The following TMEM209 variants were observed in gnomAD, a reference collection of about 807,000 sequenced individuals.
TMEM209 encodes transmembrane protein 209.
TMEM209 carries 65 observed loss-of-function variants against 76.2 expected under a neutral mutation model. That is an observed-to-expected ratio of 0.85 (90% CI 0.70 to 1.05). The LOEUF (loss-of-function observed/expected upper bound fraction) is 1.05, where lower values mean the gene tolerates loss of function less well. TMEM209 is among the 50% of genes least tolerant of loss of function. The pLI is 0.00. For synonymous variants in TMEM209, 239 were observed against 237.6 expected (o/e 1.01, Z -0.06); for missense variants, 623 against 685.5 (o/e 0.91, Z 1.02).
chr7:130,198,524 T>A (rs1584694824), intron 5 of TMEM209, among the ~76,000 whole-genome samples: 1 of 151,840 alleles, frequency 6.6e-6, no homozygotes, highest in African/African-American at 2.4e-5. Flanking sequence ...GGCAGGAGAA[T>A]CCCTTCAACC....
chr7:130,185,376 G>A lies in TMEM209; in HGVS notation c.776-9C>T, dbSNP rs1326825140. The A allele has an allele frequency of 1.9e-6, 3 of 1,611,900 alleles. No individual in the cohort carries two copies. Among genetic ancestry groups the A allele is most frequent in the East Asian group, 2.2e-5 (1 of 44,866 alleles). ...GGTAGAATCTGGGCTCCCTACAATT[G>A]TTAAGATAAACAGTATCAGTGTGTT... On this transcript the variant is annotated splice_polypyrimidine_tract_variant and intron_variant, in intron 6 of 14. Coordinates refer to ENST00000397622, the MANE Select transcript of TMEM209 (RefSeq NM_032842.4).
chr7:130,180,100 G>A (rs1236231996), intron 9 of TMEM209, among the ~76,000 whole-genome samples: 3 of 152,100 alleles, frequency 2.0e-5, no homozygotes, highest in African/African-American at 7.2e-5. Flanking sequence ...AGCATTATTG[G>A]TAAAGGTAAT....
Position 130,166,456 on chromosome 7 carries a change from C to G in TMEM209, c.1681G>C (p.Glu561Gln). 1 of 1,544,910 alleles carries G rather than the reference C, an allele frequency of 6.5e-7. No individual in the cohort carries two copies. The highest frequency in any genetic ancestry group is 1.2e-5 in the South Asian group (1 of 82,434). Residue 561 changes from glutamate to glutamine, a missense_variant, in exon 15 of 15, where the codon GAG becomes CAG. Coordinates refer to ENST00000397622, the MANE Select transcript of TMEM209 (RefSeq NM_032842.4). ...SGVNILWIFG[E>Q] is the part of the protein sequence containing the mutation. ...AGAATTAAATATATGACTTGCTACTCGCCAAAGATCCACAATATATTCACA... is the reference window on the plus strand; with the variant it reads ...AGAATTAAATATATGACTTGCTACTGGCCAAAGATCCACAATATATTCACA...
intron 6 of TMEM209, among the ~76,000 whole-genome samples, chr7:130,190,536 AG>A (rs1797759159): frequency 6.6e-6 from 1 of 151,920 alleles, no homozygotes; most frequent in South Asian, 2.1e-4. Flanking sequence ...GAAAAAAAAA[AG>A]GCTAATATTG....
chr7:130,199,156 T>C (rs1798098664), intron 5 of TMEM209, among the ~76,000 whole-genome samples: 1 of 152,232 alleles, frequency 6.6e-6, no homozygotes. Context: ...TCTAAAGTTA[T>C]TCATTGTTAA....
At chr7:130,182,914 T>C (rs1273072639) in intron 8 of TMEM209, among the ~76,000 whole-genome samples, 2 of 152,176 alleles carry the variant, frequency 1.3e-5, no homozygotes, top group East Asian at 3.9e-4. Flanking sequence ...AGTGTGACTA[T>C]TCATATGTTT....
Position 130,184,265 on chromosome 7 carries a change from T to C in TMEM209, c.952-10A>G. The C allele has an allele frequency of 9.4e-6, 15 of 1,587,506 alleles. No individual in the cohort carries two copies. The highest frequency in any genetic ancestry group is 1.1e-5 in the Non-Finnish European group (13 of 1,166,172). ...CCACTCTTGCCCAGACCTATAAAAA[T>C]TCATGTTTAAAATGAACAATCAGTG... On this transcript the variant is annotated splice_polypyrimidine_tract_variant and intron_variant, in intron 7 of 14. Transcript: ENST00000397622.
At chr7:130,185,475 CA>C (rs1289452151) in intron 6 of TMEM209, 108 bp from the exon 7 acceptor site, 1 of 904,198 alleles carries the variant, frequency 1.1e-6, no homozygotes, top group African/African-American at 1.7e-5. Flanking sequence ...GACCAACCCT[CA>C]AGGAGATTCT....
In TMEM209 at chr7:130,166,571, CA is replaced by C. The variant is rs1219766169; in HGVS notation, c.1632-67del. ...AGCATTTAAGGTCTTTTTCTAATAA[CA>C]AAAAACTTTATGAATAATACATGTT... is the stretch of plus-strand genomic sequence containing the variant. On this transcript the variant is annotated intron_variant, in intron 14 of 14. Coordinates refer to ENST00000397622, the MANE Select transcript of TMEM209 (RefSeq NM_032842.4). The C allele has an allele frequency of 8.9e-6, 9 of 1,015,290 alleles. No homozygotes were observed. In the African/African-American group the frequency reaches 1.3e-4, roughly 15 times the overall value. The allele number at this position is 1,015,290 out of a possible 1,614,324, so 62.9% of individuals were successfully genotyped here. A position where few individuals can be genotyped will look rare whatever the true frequency, so the allele number is the denominator to read the frequency against.
chr7:130,196,817 T>A (rs1797997888), intron 5 of TMEM209, among the ~76,000 whole-genome samples: 4 of 152,206 alleles, frequency 2.6e-5, no homozygotes. Flanking sequence ...TGGCATTTTT[T>A]AATGGCAGCC....
chr7:130,204,996 G>A lies in TMEM209; in HGVS notation c.3+377C>T, dbSNP rs1226649628. On this transcript the variant is annotated intron_variant, in intron 1 of 14. Coordinates refer to ENST00000397622, the MANE Select transcript of TMEM209 (RefSeq NM_032842.4). Reference sequence around the variant, plus strand: ...GATGGGGTGGTGAGCGGAGTAAGAGGGAGAGAGGGGAAAACGTGCATTGTT... The same window carrying A: ...GATGGGGTGGTGAGCGGAGTAAGAGAGAGAGAGGGGAAAACGTGCATTGTT... 2.6e-6 allele frequency: 3 copies of A among 1,165,680 alleles called. No homozygotes were observed. In the African/African-American group the frequency reaches 4.7e-5, roughly 18 times the overall value. 72.2% of individuals were successfully genotyped at this position (1,165,680 alleles called of 1,614,324 possible). A position where few individuals can be genotyped will look rare whatever the true frequency, so the allele number is the denominator to read the frequency against.
intron 5 of TMEM209, among the ~76,000 whole-genome samples, chr7:130,197,950 C>T (rs1384091592): frequency 6.6e-6 from 1 of 152,082 alleles, no homozygotes; most frequent in Non-Finnish European, 1.5e-5. Flanking sequence ...ATTCACATAC[C>T]ACACAATTCA....
chr7:130,178,374 AT>A lies in TMEM209; in HGVS notation c.1246+27del, dbSNP rs765774414. 23 of 1,557,650 alleles carry A rather than the reference AT, an allele frequency of 1.5e-5. No homozygotes were observed. The African/African-American group carries it at 1.5e-4, about 10-fold the overall frequency. ...ATTCCAGCATAGTAAAAAAGCTCTT[AT>A]TTTTTTCTCTTCAAATCAATAATTA... On this transcript the variant is annotated intron_variant, in intron 10 of 14. Coordinates refer to ENST00000397622, the MANE Select transcript of TMEM209 (RefSeq NM_032842.4).
rs1797130140 is a variant in TMEM209 at position 130,173,207 on chromosome 7, T to C, written c.1557+425A>G. On this transcript the variant is annotated intron_variant, in intron 13 of 14. Coordinates refer to ENST00000397622, the MANE Select transcript of TMEM209 (RefSeq NM_032842.4). ...CAAAAAATAAATTGGCCAGGTATAC[T>C]AGTACGTGCTTGTAGTCCTAGCTAC... Among the ~76,000 whole-genome samples the C allele has an allele frequency of 3.3e-5, 5 of 152,094 alleles. No homozygotes were observed. In the South Asian group the frequency reaches 1.0e-3, roughly 32 times the overall value.
intron 6 of TMEM209, among the ~76,000 whole-genome samples, chr7:130,186,589 C>A (rs7808201): frequency 6.6e-6 from 1 of 151,990 alleles, no homozygotes; most frequent in African/African-American, 2.4e-5. Context: ...TTAATCATTG[C>A]GATTATTAAC....
rs376656577 is a variant in TMEM209 at position 130,185,374 on chromosome 7, T to C, written c.776-7A>G. On this transcript the variant is annotated splice_polypyrimidine_tract_variant and splice_region_variant and intron_variant, in intron 6 of 14. Transcript: ENST00000397622. ...GAGGTAGAATCTGGGCTCCCTACAA[T>C]TGTTAAGATAAACAGTATCAGTGTG... The C allele has an allele frequency of 1.8e-5, 29 of 1,612,770 alleles. No homozygotes were observed. In the African/African-American group the frequency reaches 2.1e-4, roughly 12 times the overall value.
At chr7:130,200,041 T>C (rs1798131941) in intron 5 of TMEM209, 1 of 151,400 alleles carries the variant, frequency 6.6e-6, no homozygotes, top group Non-Finnish European at 1.5e-5. Flanking sequence ...TATATTATGG[T>C]GGGGAGGGGA....
intron 5 of TMEM209, 139 bp from the exon 6 acceptor site, chr7:130,192,962 G>A (rs1263832024): frequency 2.7e-6 from 2 of 751,662 alleles, no homozygotes; most frequent in Non-Finnish European, 4.3e-6. Context: ...TGAGGTTGTG[G>A]AACAACAGAA....
intron 5 of TMEM209, among the ~76,000 whole-genome samples, chr7:130,194,338 C>CA (rs35357525): frequency 0.09 from 12,494 of 139,364 alleles, 575 homozygotes; most frequent in Middle Eastern, 0.16. Context: ...TAAAGTCCAT[C>CA]AAAAAAAAAA....
Sources: allele counts gnomAD v4.1 joint callset (sites outside exome capture counted in the v4.1 genomes callset), GRCh38; gene constraint gnomAD v4.1.1; transcripts MANE v1.5; gene names NCBI Gene and HGNC (gene_info 2026-07-23, HGNC 2026-07-21).